The following NOL4 variants were observed in gnomAD, a reference collection of about 807,000 sequenced individuals.
The protein encoded by NOL4 is cancer/testis antigen 125.
In NOL4, 17 loss-of-function variants were observed where a neutral mutation model predicts 75.9. That is an observed-to-expected ratio of 0.22 (90% CI 0.15 to 0.34). The LOEUF (loss-of-function observed/expected upper bound fraction) is 0.34, where lower values mean the gene tolerates loss of function less well. Among genes scored for constraint, NOL4 ranks in the 10% least tolerant of loss-of-function variants. The pLI is 1.00. For missense variants in NOL4, 614 were observed against 793.5 expected (o/e 0.77, Z 2.72); for synonymous variants, 292 against 289.9 (o/e 1.01, Z -0.07).
At chr18:34,080,816 A>T (rs1024479659) in intron 5 of NOL4, among the ~76,000 whole-genome samples, 1 of 152,244 alleles carries the variant, frequency 6.6e-6, no homozygotes, top group African/African-American at 2.4e-5. Context: ...GAAAGAAAAT[A>T]AAATGTAAGG....
intron 6 of NOL4, among the ~76,000 whole-genome samples, chr18:33,973,966 T>A (rs1269910021): frequency 6.6e-6 from 1 of 152,180 alleles, no homozygotes; most frequent in Non-Finnish European, 1.5e-5. Context: ...ACAAGATAGT[T>A]AGCTTGTCCT....
At chr18:33,980,008 T>G (rs532765225) in intron 6 of NOL4, among the ~76,000 whole-genome samples, 2 of 152,158 alleles carry the variant, frequency 1.3e-5, no homozygotes, top group Admixed American at 6.6e-5. Context: ...TTTTTGGTGG[T>G]TTCCACTCCA....
At chr18:34,029,352 T>C (rs1391120446) in intron 5 of NOL4, among the ~76,000 whole-genome samples, 4 of 152,176 alleles carry the variant, frequency 2.6e-5, no homozygotes, top group East Asian at 1.9e-4. Flanking sequence ...TTTTTTGAAG[T>C]AGCCCACACA....
At chr18:34,083,688 CA>C (rs1253410875) in intron 5 of NOL4, among the ~76,000 whole-genome samples, 1 of 152,092 alleles carries the variant, frequency 6.6e-6, no homozygotes, top group Non-Finnish European at 1.5e-5. Context: ...GAGCTAGTGT[CA>C]ATATTTATGG....
intron 10 of NOL4, among the ~76,000 whole-genome samples, chr18:33,868,222 T>G (rs1461100335): frequency 2.0e-5 from 3 of 151,718 alleles, no homozygotes; most frequent in Non-Finnish European, 4.4e-5. Flanking sequence ...TTTTTTTTTT[T>G]TTTCAGAGAT....
intron 5 of NOL4, among the ~76,000 whole-genome samples, chr18:34,087,008 T>G (rs2078275359): frequency 6.6e-6 from 1 of 152,158 alleles, no homozygotes; most frequent in South Asian, 2.1e-4. Flanking sequence ...TCACAACATT[T>G]GAGCATGAAG....
In NOL4 at chr18:34,224,153, A is replaced by C. The variant is rs1023773554; in HGVS notation, c.-900T>G. 1.3e-5 allele frequency: 2 copies of C among 152,334 alleles called. No individual in the cohort carries two copies. The highest frequency in any genetic ancestry group is 1.5e-5 in the Non-Finnish European group (1 of 68,126). The allele number at this position is 152,334 out of a possible 1,614,324, so 9.4% of individuals were successfully genotyped here. On this transcript the variant is annotated 5_prime_UTR_variant, in exon 1 of 11. Coordinates refer to ENST00000261592, the MANE Select transcript of NOL4 (RefSeq NM_003787.5). ...CAGGGGGATGTGGGTAACCGAAGGC[A>C]GGCCGCTGGCGGCGGGTATCCCGAA... is the stretch of plus-strand genomic sequence containing the variant.
intron 8 of NOL4, among the ~76,000 whole-genome samples, chr18:33,948,249 A>G (rs981682478): frequency 2.0e-5 from 3 of 151,960 alleles, no homozygotes; most frequent in Non-Finnish European, 4.4e-5. Flanking sequence ...TGAAGATAAT[A>G]ATTCAGTAGT....
chr18:34,100,646 C>T (rs2145632123), intron 4 of NOL4, among the ~76,000 whole-genome samples: 1 of 152,278 alleles, frequency 6.6e-6, no homozygotes, highest in Non-Finnish European at 1.5e-5. Context: ...TCTGTTGGTT[C>T]CTCCCTATCT....
chr18:34,181,533 T>C (rs1035704704), intron 1 of NOL4, among the ~76,000 whole-genome samples: 1 of 151,554 alleles, frequency 6.6e-6, no homozygotes, highest in Admixed American at 6.6e-5. Context: ...AAATATGACA[T>C]ATACAGTATA....
rs375595366 is a variant in NOL4 at position 34,049,826 on chromosome 18, T to C, written c.773-30225A>G. On this transcript the variant is annotated intron_variant, in intron 5 of 10. Transcript: ENST00000261592. ...GCGAACAGGACTTTATGGATGTCGC[T>C]GTCACTCAGAGGTGTGAGAATCTAT... Among the ~76,000 whole-genome samples the C allele has an allele frequency of 7.2e-5, 11 of 152,130 alleles. No homozygotes were observed. In the East Asian group the frequency reaches 1.5e-3, roughly 21 times the overall value.
chr18:34,035,123 TA>T lies in NOL4; in HGVS notation c.773-15523del, dbSNP rs571485208. On this transcript the variant is annotated intron_variant, in intron 5 of 10. Transcript: ENST00000261592. ...AGACCAAATAAACCTAACAGACATTTAAAAAAACATTACATTTTATTTAACA... is the reference window on the plus strand; with the variant it reads ...AGACCAAATAAACCTAACAGACATTTAAAAAACATTACATTTTATTTAACA... Among the ~76,000 whole-genome samples the T allele has an allele frequency of 6.8e-3, 1,042 of 152,238 alleles. 12 individuals are homozygous for T. The highest frequency in any genetic ancestry group is 0.02 in the Middle Eastern group (6 of 294).
At chr18:34,145,472 AATAAAT>A (rs909737699) in intron 1 of NOL4, among the ~76,000 whole-genome samples, 1 of 98,528 alleles carries the variant, frequency 1.0e-5, no homozygotes, top group African/African-American at 3.5e-5. Flanking sequence ...GAGATAATAA[AATAAAT>A]ATAAATTTCT....
chr18:34,178,727 G>A (rs2146315028), intron 1 of NOL4, among the ~76,000 whole-genome samples: 1 of 151,548 alleles, frequency 6.6e-6, no homozygotes, highest in South Asian at 2.1e-4. Flanking sequence ...AGAATGGAGG[G>A]GTGAAATAGT....
At chr18:34,168,890 G>A (rs993323223) in intron 1 of NOL4, among the ~76,000 whole-genome samples, 1 of 151,634 alleles carries the variant, frequency 6.6e-6, no homozygotes, top group African/African-American at 2.4e-5. Flanking sequence ...AAATAAACAA[G>A]ATAGATATGA....
At chr18:33,990,548 T>C (rs1427432202) in intron 6 of NOL4, among the ~76,000 whole-genome samples, 1 of 151,984 alleles carries the variant, frequency 6.6e-6, no homozygotes, top group Non-Finnish European at 1.5e-5. Context: ...ATCCTACAAA[T>C]TGCCAAGGTC....
chr18:34,082,373 A>C (rs2078049810), intron 5 of NOL4, among the ~76,000 whole-genome samples: 1 of 152,134 alleles, frequency 6.6e-6, no homozygotes, highest in Admixed American at 6.6e-5. Context: ...GAAAAAGAAA[A>C]AAAAAAAGTG....
At chr18:34,038,347 T>C (rs2076001759) in intron 5 of NOL4, among the ~76,000 whole-genome samples, 1 of 152,026 alleles carries the variant, frequency 6.6e-6, no homozygotes, top group Admixed American at 6.6e-5. Context: ...CTCAAAAAAC[T>C]AAAAATAGAA....
chr18:34,025,498 G>A (rs2075295536), intron 5 of NOL4, among the ~76,000 whole-genome samples: 1 of 152,126 alleles, frequency 6.6e-6, no homozygotes, highest in African/African-American at 2.4e-5. Flanking sequence ...GGGAAGAATT[G>A]TCAAAACCAT....
Sources: allele counts gnomAD v4.1 joint callset (sites outside exome capture counted in the v4.1 genomes callset), GRCh38; gene constraint gnomAD v4.1.1; transcripts MANE v1.5; gene names NCBI Gene and HGNC (gene_info 2026-07-23, HGNC 2026-07-21).